Variants in ANKH observed in about 807,000 individuals in gnomAD.
ANKH encodes the protein mineralization regulator ANKH.
In ANKH, 15 loss-of-function variants were observed where a neutral mutation model predicts 49.0. The observed-to-expected ratio is 0.31, with a 90% CI of 0.20 to 0.47. The LOEUF is 0.47. Among genes scored for constraint, ANKH ranks in the 20% least tolerant of loss-of-function variants. The pLI is 1.00. For synonymous variants in ANKH, 273 were observed against 260.0 expected, an observed-to-expected ratio of 1.05 and a Z score of -0.48; for missense variants, 429 against 652.0, an observed-to-expected ratio of 0.66 and a Z score of 3.72.
intron 8 of ANKH, among the ~76,000 whole-genome samples, chr5:14,724,822 C>T (rs902022066): frequency 2.6e-5 from 4 of 152,104 alleles, no homozygotes; most frequent in Admixed American, 2.6e-4. Flanking sequence ...AGACCACCAC[C>T]CTATGAGGGC....
At chr5:14,789,846 G>C (rs1239012880) in intron 1 of ANKH, among the ~76,000 whole-genome samples, 1 of 152,104 alleles carries the variant, frequency 6.6e-6, no homozygotes, top group Non-Finnish European at 1.5e-5. Flanking sequence ...CAGTAGTTGG[G>C]ATTATAGTTG....
chr5:14,716,907 G>A, intron 8 of ANKH, 72 bp from the exon 9 acceptor site: 1 of 1,583,120 alleles, frequency 6.3e-7, no homozygotes, highest in Non-Finnish European at 8.6e-7. Context: ...ATCAGGTGTG[G>A]CACAATCCTT....
At chr5:14,726,535 GA>G (rs937748664) in intron 8 of ANKH, among the ~76,000 whole-genome samples, 1 of 152,118 alleles carries the variant, frequency 6.6e-6, no homozygotes, top group Non-Finnish European at 1.5e-5. Flanking sequence ...TGTACAATAT[GA>G]AAGACAGGAG....
chr5:14,816,203 C>A (rs1433432542), intron 1 of ANKH, among the ~76,000 whole-genome samples: 1 of 152,198 alleles, frequency 6.6e-6, no homozygotes, highest in Non-Finnish European at 1.5e-5. Context: ...GGTTGAAGGG[C>A]AGAGGACAGA....
intron 1 of ANKH, chr5:14,798,147 T>C (rs565348032): frequency 1.0e-4 from 160 of 1,552,736 alleles, no homozygotes; most frequent in Non-Finnish European, 1.3e-4. Context: ...ATCAGGCAGC[T>C]GCACACTGGC....
chr5:14,797,475 T>A (rs532816104), intron 1 of ANKH: 1 of 1,611,312 alleles, frequency 6.2e-7, no homozygotes, highest in Admixed American at 1.7e-5. Flanking sequence ...GGAATGCAAC[T>A]TAAGTTTCAG....
chr5:14,710,644 C>G lies in ANKH; in HGVS notation c.*553G>C, dbSNP rs536061750. 1 of 164,272 alleles carries G rather than the reference C, an allele frequency of 6.1e-6. No individual in the cohort carries two copies. The highest frequency in any genetic ancestry group is 1.6e-4 in the South Asian group (1 of 6,196). The allele number at this position is 164,272 out of a possible 1,614,324, so 10.2% of individuals were successfully genotyped here. ...GGACTCCGGGCTGCAGCGTGCCACC[C>G]GCCTCCTGCATGTGTGGAGTAGATG... On this transcript the variant is annotated 3_prime_UTR_variant, in exon 12 of 12. Coordinates refer to ENST00000284268, the MANE Select transcript of ANKH (RefSeq NM_054027.6).
At chr5:14,826,357 C>T (rs546442670) in intron 1 of ANKH, among the ~76,000 whole-genome samples, 5 of 152,294 alleles carry the variant, frequency 3.3e-5, no homozygotes, top group African/African-American at 1.2e-4. Context: ...TATCTCTCTA[C>T]CAAATCTTGT....
At chr5:14,712,348 T>G (rs917673337) in intron 11 of ANKH, among the ~76,000 whole-genome samples, 7 of 152,332 alleles carry the variant, frequency 4.6e-5, no homozygotes, top group Middle Eastern at 6.8e-3. Flanking sequence ...ATACCTCCCT[T>G]TTCTCAGACA....
rs1218035794 is a variant in ANKH, at chr5:14,737,910, C to T, written c.1011+3917G>A. Among the ~76,000 whole-genome samples the T allele has an allele frequency of 2.0e-5, 3 of 152,150 alleles. No homozygotes were observed. Among genetic ancestry groups the T allele is most frequent in the Non-Finnish European group, 2.9e-5 (2 of 68,020 alleles). On this transcript the variant is annotated intron_variant, in intron 8 of 11. Transcript: ENST00000284268. This position sits in a 1 kb window ranked among gnomAD's most constrained non-coding sequence, Gnocchi z 5.0. ...GTACCCCCTTTCTCATCCTCATGCCCATCAGATGGTTTAGAGAGATCAATC... is the reference window on the plus strand; with the variant it reads ...GTACCCCCTTTCTCATCCTCATGCCTATCAGATGGTTTAGAGAGATCAATC...
chr5:14,845,561 T>G (rs1351614772), intron 1 of ANKH, among the ~76,000 whole-genome samples: 1 of 152,134 alleles, frequency 6.6e-6, no homozygotes, highest in Non-Finnish European at 1.5e-5. Flanking sequence ...AGGACTTGGG[T>G]TGACAGGGAC....
Position 14,722,848 on chromosome 5 carries a change from G to A in ANKH, c.1012-6013C>T, listed in dbSNP as rs1489364190. 2.6e-5 allele frequency among the ~76,000 whole-genome samples: 4 copies of A among 151,912 alleles called. No homozygotes were observed. In the East Asian group the frequency reaches 7.7e-4, roughly 29 times the overall value. ...AAAGGAAACCCGTCCTGACAGCAGA[G>A]GAACACGGCAGACATGACCCCAGCC... On this transcript the variant is annotated intron_variant, in intron 8 of 11. Transcript: ENST00000284268.
chr5:14,718,692 C>G, intron 8 of ANKH, among the ~76,000 whole-genome samples: 1 of 151,916 alleles, frequency 6.6e-6, no homozygotes, highest in Non-Finnish European at 1.5e-5. Flanking sequence ...TCTCTGTAAT[C>G]TCAGCTACTT....
intron 1 of ANKH, among the ~76,000 whole-genome samples, chr5:14,790,436 C>A (rs551592733): frequency 3.3e-5 from 5 of 152,280 alleles, no homozygotes; most frequent in South Asian, 2.1e-4. Context: ...TCTATGCAAA[C>A]CACAAAAAGA....
chr5:14,814,447 G>GT (rs968194205), intron 1 of ANKH, among the ~76,000 whole-genome samples: 2 of 152,028 alleles, frequency 1.3e-5, no homozygotes, highest in African/African-American at 2.4e-5. Flanking sequence ...CAGAAAAAAT[G>GT]TTTTTTTAAT....
chr5:14,722,144 A>G (rs1337094973), intron 8 of ANKH, among the ~76,000 whole-genome samples: 1 of 152,154 alleles, frequency 6.6e-6, no homozygotes, highest in Non-Finnish European at 1.5e-5. Context: ...TAATGAGTTC[A>G]CCCAGAGTAG....
intron 1 of ANKH, among the ~76,000 whole-genome samples, chr5:14,780,902 G>A (rs1739785772): frequency 6.6e-6 from 1 of 152,228 alleles, no homozygotes; most frequent in Non-Finnish European, 1.5e-5. Context: ...CATTGTAGTA[G>A]ACGAAATCTA....
At position 14,871,548 on chromosome 5, in the gene ANKH, C is replaced by T; in HGVS notation, c.-101G>A. 2.6e-6 allele frequency: 2 copies of T among 766,346 alleles called. No homozygotes were observed. The allele number at this position is 766,346 out of a possible 1,614,324, so 47.5% of individuals were successfully genotyped here. A position where few individuals can be genotyped will look rare whatever the true frequency, so the allele number is the denominator to read the frequency against. On this transcript the variant is annotated 5_prime_UTR_variant, in exon 1 of 12. Coordinates refer to ENST00000284268, the MANE Select transcript of ANKH (RefSeq NM_054027.6). ...GCGACGGGGCGAGCGGGGCGCGGGCCGACAGAGGCCGCGGGCGGCGGGGCC... is the reference window on the plus strand; with the variant it reads ...GCGACGGGGCGAGCGGGGCGCGGGCTGACAGAGGCCGCGGGCGGCGGGGCC...
intron 1 of ANKH, among the ~76,000 whole-genome samples, chr5:14,856,563 A>C (rs533917140): frequency 6.6e-6 from 1 of 151,964 alleles, no homozygotes; most frequent in African/African-American, 2.4e-5. Context: ...ATACTGGGAG[A>C]GCAGAGGACA....
Sources: allele counts gnomAD v4.1 joint callset (sites outside exome capture counted in the v4.1 genomes callset), GRCh38; gene constraint gnomAD v4.1.1; non-coding constraint Gnocchi (gnomAD v3.1); transcripts MANE v1.5; gene names NCBI Gene and HGNC (gene_info 2026-07-23, HGNC 2026-07-21).